SLC2A3: variants seen among roughly 807,000 people sequenced by gnomAD.
The protein encoded by SLC2A3 is solute carrier family 2, facilitated glucose transporter member 3.
In SLC2A3, 21 loss-of-function variants were observed where a neutral mutation model predicts 46.4. The ratio of observed to expected loss-of-function variants is 0.45; its 90% CI spans 0.32 to 0.65. The LOEUF (loss-of-function observed/expected upper bound fraction) is 0.65, where lower values mean the gene tolerates loss of function less well. Ranked by LOEUF, SLC2A3 falls within the 30% of genes least tolerant of loss-of-function variation. SLC2A3 has a pLI of 0.04. For synonymous variants in SLC2A3, 213 were observed against 239.4 expected (o/e 0.89, Z 1.02); for missense variants, 499 against 623.3 (o/e 0.80, Z 2.12).
chr12:7,923,069 A>T (rs1055991432), intron 8 of SLC2A3, 45 bp from the exon 9 acceptor site: 5 of 1,548,168 alleles, frequency 3.2e-6, no homozygotes, highest in Admixed American at 2.0e-5. Context: ...AAGACAGTGT[A>T]ACCTAGTATC....
intron 5 of SLC2A3, 173 bp from the exon 6 acceptor site, chr12:7,930,044 G>A (rs966755677): frequency 2.2e-6 from 3 of 1,354,426 alleles, no homozygotes; most frequent in South Asian, 1.5e-5. Context: ...GGAGTGCAAT[G>A]GCATGATCTC....
At chr12:7,923,065 G>A (rs181411983) in intron 8 of SLC2A3, 41 bp from the exon 9 acceptor site, 1 of 1,554,076 alleles carries the variant, frequency 6.4e-7, no homozygotes, top group East Asian at 2.3e-5. Flanking sequence ...TTTAAAGACA[G>A]TGTAACCTAG....
At chr12:7,933,550 C>A in intron 2 of SLC2A3, 1 of 495,970 alleles carries the variant, frequency 2.0e-6, no homozygotes, top group South Asian at 2.6e-5. Flanking sequence ...CCAATATTGT[C>A]TCCATCTTCA....
intron 6 of SLC2A3, 89 bp from the exon 7 acceptor site, chr12:7,926,037 G>C: frequency 9.3e-7 from 1 of 1,076,402 alleles, no homozygotes; most frequent in Non-Finnish European, 1.4e-6. Context: ...GTCCCAGTGG[G>C]TAAGAAGTCC....
intron 1 of SLC2A3, among the ~76,000 whole-genome samples, chr12:7,934,778 C>T (rs1195818305): frequency 1.3e-5 from 2 of 152,004 alleles, no homozygotes; most frequent in Non-Finnish European, 2.9e-5. Context: ...AGGCTGGGAG[C>T]TTCAGCAGGA....
In SLC2A3 at chr12:7,922,218, G is replaced by A. The variant is rs118139619; in HGVS notation, c.1273-587C>T. On this transcript the variant is annotated intron_variant, in intron 9 of 9. Transcript: ENST00000075120. ...CACTGGGATTACAGTCATGAGCCAC[G>A]ACACCCGGCCTAATTTTTGTATTTA... 1.1e-4 allele frequency among the ~76,000 whole-genome samples: 17 copies of A among 151,940 alleles called. No homozygotes were observed. The East Asian group carries it at 1.2e-3, about 10-fold the overall frequency.
In SLC2A3 at chr12:7,929,735, G is replaced by T; in HGVS notation, c.810C>A (p.Ile270=). 1 of 1,613,588 alleles carries T rather than the reference G, an allele frequency of 6.2e-7. No homozygotes were observed. The highest frequency in any genetic ancestry group is 8.5e-7 in the Non-Finnish European group (1 of 1,179,664). The change falls in exon 6 of 10, where the codon ATC becomes ATA. Residue 270 remains isoleucine (I), a synonymous_variant. Transcript: ENST00000075120. ...AGAGCTGGAGCACAATGGAAATGATGATGGGCTGTCGGTAGCTGGACACTC... is the reference window on the plus strand; with the variant it reads ...AGAGCTGGAGCACAATGGAAATGATTATGGGCTGTCGGTAGCTGGACACTC... ...LFRVSSYRQP[I]IISIVLQLSQ...
In SLC2A3 at chr12:7,933,615, G is replaced by C. The variant is rs1946182109; in HGVS notation, c.108+195C>G. On this transcript the variant is annotated intron_variant, in intron 2 of 9. Coordinates refer to ENST00000075120, the MANE Select transcript of SLC2A3 (RefSeq NM_006931.3). ...CTTAAAATCCCCTAGTTTGGGGAGGGACCCTCACTAACTGTGTTGCTCAGG... is the reference window on the plus strand; with the variant it reads ...CTTAAAATCCCCTAGTTTGGGGAGGCACCCTCACTAACTGTGTTGCTCAGG... The C allele has an allele frequency of 5.2e-6, 3 of 572,848 alleles. No individual in the cohort carries two copies. The African/African-American group carries it at 5.6e-5, about 11-fold the overall frequency. 35.5% of individuals were successfully genotyped at this position (572,848 alleles called of 1,614,324 possible).
chr12:7,934,907 C>A (rs1383666673), intron 1 of SLC2A3, among the ~76,000 whole-genome samples: 1 of 152,202 alleles, frequency 6.6e-6, no homozygotes, highest in Non-Finnish European at 1.5e-5. Context: ...AAAATCTCTT[C>A]TGTCTCCTCT....
At position 7,921,502 on chromosome 12, in the gene SLC2A3, G is replaced by A; in HGVS notation, c.1402C>T (p.Gln468Ter). The A allele has an allele frequency of 1.2e-6, 2 of 1,613,966 alleles. No individual in the cohort carries two copies. The highest frequency in any genetic ancestry group is 1.7e-6 in the Non-Finnish European group (2 of 1,179,872). ...CCAGATCTATCTGCACCGTGTGCCT[G>A]CCCTTCAAAGGCCCGTGTGATATCC... is the stretch of plus-strand genomic sequence containing the variant. Reference protein sequence around the residue: ...FEDITRAFEGQAHGADRSGKD... With the variant: ...FEDITRAFEG The change falls in exon 10 of 10, where the codon CAG (glutamine) becomes TAG (stop). Residue 468 changes from glutamine to a stop codon, truncating the protein, a stop_gained. Transcript: ENST00000075120. LOFTEE classifies it high-confidence loss of function.
chr12:7,923,279 C>T (rs1019799806), intron 8 of SLC2A3: 18 of 382,880 alleles, frequency 4.7e-5, no homozygotes, highest in Admixed American at 1.7e-4. Flanking sequence ...AGCAATCCTC[C>T]CACCTCAGCC....
chr12:7,933,874 G>C lies in SLC2A3; in HGVS notation c.44C>G (p.Thr15Arg). 1 of 1,614,072 alleles carries C rather than the reference G, an allele frequency of 6.2e-7. No homozygotes were observed. Among genetic ancestry groups the C allele is most frequent in the Non-Finnish European group, 8.5e-7 (1 of 1,179,970 alleles). ...KVTPALIFAI[T>R]VATIGSFQFG... ...TTGGAAAGAGCCGATTGTAGCAACTGTGATGGCAAATATCAGAGCTGGGGT... is the reference window on the plus strand; with the variant it reads ...TTGGAAAGAGCCGATTGTAGCAACTCTGATGGCAAATATCAGAGCTGGGGT... The change falls in exon 2 of 10, where the codon ACA becomes AGA. Residue 15 changes from threonine (T) to arginine (R), a missense_variant. Transcript: ENST00000075120.
chr12:7,934,935 G>A (rs1276602183), intron 1 of SLC2A3, among the ~76,000 whole-genome samples: 1 of 152,022 alleles, frequency 6.6e-6, no homozygotes, highest in African/African-American at 2.4e-5. Context: ...CACTATCTTT[G>A]AGAGCCTTTT....
chr12:7,919,317 G>A lies in SLC2A3; in HGVS notation c.*2096C>T, dbSNP rs1946011984. On this transcript the variant is annotated 3_prime_UTR_variant, in exon 10 of 10. Transcript: ENST00000075120. ...TGGAAATATTCACAATCTTCTCAGT[G>A]AGAAATGGGACCCTGCCTTACTGCC... 6.6e-6 allele frequency: 1 copy of A among 152,290 alleles called. No homozygotes were observed. The highest frequency in any genetic ancestry group is 1.5e-5 in the Non-Finnish European group (1 of 68,032). 9.4% of individuals were successfully genotyped at this position (152,290 alleles called of 1,614,324 possible). A position where few individuals can be genotyped will look rare whatever the true frequency, so the allele number is the denominator to read the frequency against.
At chr12:7,927,398 A>G (rs1183954638) in intron 6 of SLC2A3, among the ~76,000 whole-genome samples, 2 of 152,140 alleles carry the variant, frequency 1.3e-5, no homozygotes, top group Admixed American at 1.3e-4. Flanking sequence ...CCTAATGTAC[A>G]TGTACTCATC....
chr12:7,919,347 T>A lies in SLC2A3; in HGVS notation c.*2066A>T, dbSNP rs977667619. On this transcript the variant is annotated 3_prime_UTR_variant, in exon 10 of 10. Coordinates refer to ENST00000075120, the MANE Select transcript of SLC2A3 (RefSeq NM_006931.3). Reference sequence around the variant, plus strand: ...ATGGGACCCTGCCTTACTGCCAACCTACTGTTTGAGGAGCCAGAAGTTGAC... The same window carrying A: ...ATGGGACCCTGCCTTACTGCCAACCAACTGTTTGAGGAGCCAGAAGTTGAC... The A allele has an allele frequency of 5.9e-5, 9 of 152,156 alleles. No individual in the cohort carries two copies. The highest frequency in any genetic ancestry group is 2.2e-4 in the African/African-American group (9 of 41,408). The allele number at this position is 152,156 out of a possible 1,614,324, so 9.4% of individuals were successfully genotyped here.
chr12:7,927,639 T>G (rs1026938425), intron 6 of SLC2A3, among the ~76,000 whole-genome samples: 3 of 152,236 alleles, frequency 2.0e-5, no homozygotes, highest in South Asian at 2.1e-4. Context: ...CAGACAACTT[T>G]CAGGTCTCTT....
In SLC2A3 at chr12:7,921,258, A is replaced by T; in HGVS notation, c.*155T>A. Reference sequence around the variant, plus strand: ...TAAAAAGCCATTGAAGATCCAACAAACCGCAGCCTTGGGGTGCTCATGGAG... The same window carrying T: ...TAAAAAGCCATTGAAGATCCAACAATCCGCAGCCTTGGGGTGCTCATGGAG... On this transcript the variant is annotated 3_prime_UTR_variant, in exon 10 of 10. Coordinates refer to ENST00000075120, the MANE Select transcript of SLC2A3 (RefSeq NM_006931.3). 1 of 1,462,066 alleles carries T rather than the reference A, an allele frequency of 6.8e-7. No homozygotes were observed. Among genetic ancestry groups the T allele is most frequent in the Non-Finnish European group, 9.3e-7 (1 of 1,079,214 alleles). The allele number at this position is 1,462,066 out of a possible 1,614,324, so 90.6% of individuals were successfully genotyped here. A position where few individuals can be genotyped will look rare whatever the true frequency, so the allele number is the denominator to read the frequency against.
At chr12:7,932,279 G>A (rs750945472) in intron 3 of SLC2A3, among the ~76,000 whole-genome samples, 1 of 151,954 alleles carries the variant, frequency 6.6e-6, no homozygotes, top group South Asian at 2.1e-4. Flanking sequence ...GCAGGTTCAA[G>A]TGATTTTCCT....
Sources: allele counts gnomAD v4.1 joint callset (sites outside exome capture counted in the v4.1 genomes callset), GRCh38; gene constraint gnomAD v4.1.1; transcripts MANE v1.5; gene names NCBI Gene and HGNC (gene_info 2026-07-23, HGNC 2026-07-21).